The following NAALADL2 variants were observed in gnomAD, a reference collection of about 807,000 sequenced individuals.
The protein encoded by NAALADL2 is N-acetylated alpha-linked acidic dipeptidase like 2.
Under a neutral mutation model 87.2 loss-of-function variants are expected in NAALADL2, and 76 were observed. The observed-to-expected ratio is 0.87, with a 90% CI of 0.72 to 1.05. The LOEUF is 1.05. Ranked by LOEUF, NAALADL2 falls within the 50% of genes least tolerant of loss-of-function variation. The probability of loss-of-function intolerance (pLI) is 0.00; values close to 1 mark genes in which losing one functional copy is unlikely to be tolerated. For missense variants in NAALADL2, 1,089 were observed against 945.8 expected, an observed-to-expected ratio of 1.15 and a Z score of -1.99; for synonymous variants, 354 against 331.0, an observed-to-expected ratio of 1.07 and a Z score of -0.75.
chr3:175,114,178 G>A (rs1724707147), intron 2 of NAALADL2, among the ~76,000 whole-genome samples: 1 of 151,662 alleles, frequency 6.6e-6, no homozygotes, highest in Non-Finnish European at 1.5e-5. Context: ...CATAGAGGAA[G>A]CTGACAGTCA....
chr3:174,793,231 A>G (rs1375598174), intron 3 of NAALADL2, among the ~76,000 whole-genome samples: 2 of 152,132 alleles, frequency 1.3e-5, no homozygotes, highest in Admixed American at 1.3e-4. Flanking sequence ...CGTAATAATT[A>G]TGTTTTATAT....
chr3:174,449,553 T>C (rs899979286), intron 1 of NAALADL2, among the ~76,000 whole-genome samples: 1 of 152,174 alleles, frequency 6.6e-6, no homozygotes, highest in Non-Finnish European at 1.5e-5. Context: ...GATCCAAGAT[T>C]TTAGTCTCAT....
In NAALADL2 at chr3:174,443,989, A is replaced by G. The variant is rs554987118; in HGVS notation, c.-184+2957A>G. 4.2e-4 allele frequency among the ~76,000 whole-genome samples: 61 copies of G among 145,024 alleles called. 1 individual carries two copies. In the South Asian group the frequency reaches 0.013, roughly 30 times the overall value. On this transcript the variant is annotated intron_variant, in intron 1 of 3. Transcript: ENST00000434257. ...GAAAGACATTGAAGAAGGTGATGGT[A>G]TACATCACTTGAATATTTTTATTGA... is the stretch of plus-strand genomic sequence containing the variant.
At chr3:174,882,831 GTGTGTATATGTGCATATGTGTA>G (rs1729569324) in intron 1 of NAALADL2, among the ~76,000 whole-genome samples, 1 of 82,566 alleles carries the variant, frequency 1.2e-5, no homozygotes. Context: ...ATATATACAC[GTGTGTATATGTGCATATGTGTA>G]TATATACATA....
intron 2 of NAALADL2, among the ~76,000 whole-genome samples, chr3:174,593,782 T>C (rs1296604398): frequency 6.6e-6 from 1 of 152,142 alleles, no homozygotes; most frequent in Non-Finnish European, 1.5e-5. Context: ...CTTACTTTTC[T>C]GGTTTGATGG....
chr3:175,283,530 G>A (rs1207232508), intron 4 of NAALADL2, among the ~76,000 whole-genome samples: 4 of 151,918 alleles, frequency 2.6e-5, no homozygotes, highest in African/African-American at 4.8e-5. Flanking sequence ...AGAGCCCTCC[G>A]TAGCAATGTT....
At chr3:175,263,525 A>G (rs80236091) in intron 4 of NAALADL2, among the ~76,000 whole-genome samples, 5,204 of 151,982 alleles carry the variant, frequency 0.034, 145 homozygotes, top group Middle Eastern at 0.085. Flanking sequence ...CTTTTGAACC[A>G]TTTGAAAATT....
chr3:174,585,091 G>A (rs879777854), intron 2 of NAALADL2, among the ~76,000 whole-genome samples: 6 of 152,102 alleles, frequency 3.9e-5, no homozygotes, highest in Non-Finnish European at 1.5e-5. Context: ...GAAATTGGCT[G>A]TTACTCAGTT....
chr3:175,561,418 T>C (rs879741241), intron 9 of NAALADL2, among the ~76,000 whole-genome samples: 1 of 152,176 alleles, frequency 6.6e-6, no homozygotes, highest in Non-Finnish European at 1.5e-5. Flanking sequence ...TTCAAATATT[T>C]TTATTGAAAC....
chr3:175,477,887 A>G (rs1406380875), intron 9 of NAALADL2, among the ~76,000 whole-genome samples: 1 of 151,950 alleles, frequency 6.6e-6, no homozygotes, highest in Non-Finnish European at 1.5e-5. Context: ...GGTTACTTGC[A>G]ACTTTTTTTT....
At chr3:174,990,864 A>G (rs1042495816) in intron 1 of NAALADL2, among the ~76,000 whole-genome samples, 2 of 152,196 alleles carry the variant, frequency 1.3e-5, no homozygotes, top group East Asian at 1.9e-4. Flanking sequence ...TGACCTCTCT[A>G]CAAGTGAATC....
chr3:175,785,257 C>G (rs1751762842), intron 13 of NAALADL2, among the ~76,000 whole-genome samples: 1 of 150,024 alleles, frequency 6.7e-6, no homozygotes, highest in Non-Finnish European at 1.5e-5. Context: ...CCTGGGTATC[C>G]TTGTTGACTT....
chr3:175,027,716 T>C (rs902039784), intron 1 of NAALADL2, among the ~76,000 whole-genome samples: 6 of 152,070 alleles, frequency 3.9e-5, no homozygotes, highest in Non-Finnish European at 7.4e-5. Flanking sequence ...AATAGAAGAA[T>C]ATGACACAGA....
In NAALADL2 at chr3:174,900,279, A is replaced by G. The variant is rs149713110; in HGVS notation, c.43+40829A>G. Among the ~76,000 whole-genome samples the G allele has an allele frequency of 3.2e-3, 491 of 152,204 alleles. 4 individuals are homozygous for G. Among genetic ancestry groups the G allele is most frequent in the African/African-American group, 0.011 (471 of 41,580 alleles). ...AATTGGGTAGATATACTAGACATGCAATCTCAATTCATGCTTTTACCAAAA... is the reference window on the plus strand; with the variant it reads ...AATTGGGTAGATATACTAGACATGCGATCTCAATTCATGCTTTTACCAAAA... On this transcript the variant is annotated intron_variant, in intron 1 of 13. Coordinates refer to ENST00000454872, the MANE Select transcript of NAALADL2 (RefSeq NM_207015.3).
intron 5 of NAALADL2, among the ~76,000 whole-genome samples, chr3:175,398,616 A>G (rs957572768): frequency 6.6e-6 from 1 of 151,958 alleles, no homozygotes; most frequent in African/African-American, 2.4e-5. Context: ...ACTGTAAATG[A>G]CACTTAAAGG....
At chr3:175,206,313 C>CATATATATGTGTATAT (rs1740896106) in intron 2 of NAALADL2, among the ~76,000 whole-genome samples, 1 of 92,358 alleles carries the variant, frequency 1.1e-5, no homozygotes, top group Non-Finnish European at 1.9e-5. Flanking sequence ...TATATATATA[C>CATATATATGTGTATAT]ACATACATAC....
At chr3:175,601,536 C>T (rs1722974926) in intron 10 of NAALADL2, among the ~76,000 whole-genome samples, 1 of 152,094 alleles carries the variant, frequency 6.6e-6, no homozygotes, top group Non-Finnish European at 1.5e-5. Flanking sequence ...AATATATTGA[C>T]ATAAAGAGTG....
At chr3:174,595,777 G>A (rs972437330) in intron 2 of NAALADL2, among the ~76,000 whole-genome samples, 6 of 152,120 alleles carry the variant, frequency 3.9e-5, no homozygotes, top group Non-Finnish European at 8.8e-5. Flanking sequence ...TTGGGAGGCC[G>A]AGGCGGGCAG....
intron 1 of NAALADL2, among the ~76,000 whole-genome samples, chr3:175,067,206 C>A (rs778305468): frequency 2.6e-5 from 4 of 151,986 alleles, no homozygotes; most frequent in Non-Finnish European, 5.9e-5. Flanking sequence ...TGACTAAGTT[C>A]TCAAAAGCGA....
Sources: allele counts gnomAD v4.1 joint callset (sites outside exome capture counted in the v4.1 genomes callset), GRCh38; gene constraint gnomAD v4.1.1; transcripts MANE v1.5; gene names NCBI Gene and HGNC (gene_info 2026-07-23, HGNC 2026-07-21).